The following NAV3 variants were observed in gnomAD, a reference collection of about 807,000 sequenced individuals.
NAV3 encodes neuron navigator 3.
Under a neutral mutation model 244.7 loss-of-function variants are expected in NAV3, and 87 were observed. The ratio of observed to expected loss-of-function variants is 0.36; its 90% confidence interval spans 0.30 to 0.42. The LOEUF (loss-of-function observed/expected upper bound fraction) is 0.42. Ranked by LOEUF, NAV3 falls within the 20% of genes least tolerant of loss-of-function variation. The pLI is 1.00. For synonymous variants in NAV3, 1,126 were observed against 1,042.2 expected (o/e 1.08, Z -1.55); for missense variants, 2,663 against 2,893.3 (o/e 0.92, Z 1.83).
At chr12:77,815,310 A>G (rs1872485947) in intron 2 of NAV3, among the ~76,000 whole-genome samples, 1 of 152,188 alleles carries the variant, frequency 6.6e-6, no homozygotes, top group Non-Finnish European at 1.5e-5. Context: ...TCAGGAGGCT[A>G]CTGGAGTGAG....
intron 2 of NAV3, among the ~76,000 whole-genome samples, chr12:77,763,838 G>T (rs558007990): frequency 8.2e-4 from 125 of 152,110 alleles, no homozygotes; most frequent in Non-Finnish European, 1.4e-3. Flanking sequence ...TTAGGAATGG[G>T]TCCCACACAG....
At chr12:77,616,156 C>G (rs867008910) in intron 2 of NAV3, among the ~76,000 whole-genome samples, 1 of 152,014 alleles carries the variant, frequency 6.6e-6, no homozygotes, top group Admixed American at 6.6e-5. Context: ...TCCTGTAATC[C>G]CAGCACTTTG....
chr12:78,028,961 GTA>G (rs1878527772), intron 9 of NAV3, among the ~76,000 whole-genome samples: 1 of 152,080 alleles, frequency 6.6e-6, no homozygotes, highest in Non-Finnish European at 1.5e-5. Context: ...GTGAACAGAG[GTA>G]TATGTGTGGA....
At chr12:78,184,568 T>G (rs1958634320) in intron 30 of NAV3, among the ~76,000 whole-genome samples, 1 of 151,888 alleles carries the variant, frequency 6.6e-6, no homozygotes, top group Non-Finnish European at 1.5e-5. Flanking sequence ...TTAATTGTTA[T>G]GATCTTAGAG....
chr12:77,720,729 A>T (rs1443354591), intron 2 of NAV3, among the ~76,000 whole-genome samples: 1 of 152,146 alleles, frequency 6.6e-6, no homozygotes, highest in East Asian at 1.9e-4. Context: ...AGGGAGTACA[A>T]CACGTTTTTC....
intron 5 of NAV3, among the ~76,000 whole-genome samples, chr12:77,980,303 T>C (rs1307766271): frequency 6.6e-6 from 1 of 152,176 alleles, no homozygotes; most frequent in Non-Finnish European, 1.5e-5. Context: ...GGTTTGATTA[T>C]GATTGTATTG....
chr12:77,810,232 T>C (rs927170404), intron 2 of NAV3, among the ~76,000 whole-genome samples: 1 of 152,164 alleles, frequency 6.6e-6, no homozygotes, highest in African/African-American at 2.4e-5. Context: ...AGTGCAGTGG[T>C]GCCATCTCCA....
chr12:78,082,806 C>A (rs1178496470), intron 12 of NAV3, among the ~76,000 whole-genome samples: 1 of 152,030 alleles, frequency 6.6e-6, no homozygotes, highest in African/African-American at 2.4e-5. Flanking sequence ...GGCTGAATTG[C>A]CTCTATTAGT....
At chr12:78,040,554 A>G (rs564188923) in intron 9 of NAV3, among the ~76,000 whole-genome samples, 48 of 152,332 alleles carry the variant, frequency 3.2e-4, no homozygotes, top group African/African-American at 1.1e-3. Flanking sequence ...ATATGAAAAG[A>G]TGGAACATAA....
chr12:77,893,079 T>C (rs923716345), intron 1 of NAV3, among the ~76,000 whole-genome samples: 4 of 152,138 alleles, frequency 2.6e-5, no homozygotes, highest in African/African-American at 9.7e-5. Flanking sequence ...CTGAATTAGT[T>C]ATAAGAATTT....
intron 2 of NAV3, among the ~76,000 whole-genome samples, chr12:77,705,264 C>CA (rs949088166): frequency 2.1e-5 from 3 of 145,148 alleles, no homozygotes; most frequent in African/African-American, 8.2e-5. Flanking sequence ...ACTAAAAATA[C>CA]AAAAAATCAG....
At chr12:77,719,934 G>A (rs551731601) in intron 2 of NAV3, among the ~76,000 whole-genome samples, 1 of 152,220 alleles carries the variant, frequency 6.6e-6, no homozygotes, top group African/African-American at 2.4e-5. Flanking sequence ...TTTCTTTGCT[G>A]AGATTTTTTA....
rs2136597371 is a variant in NAV3, at chr12:78,007,322, G to A, written c.1784G>A (p.Gly595Asp). The A allele has an allele frequency of 6.2e-7, 1 of 1,614,192 alleles. No homozygotes were observed. ...GAAGCTGGCCAAGCTTCTCCTTCTGGTTCCTGTACCATGACAGTGGCACAA... is the reference window on the plus strand; with the variant it reads ...GAAGCTGGCCAAGCTTCTCCTTCTGATTCCTGTACCATGACAGTGGCACAA... ...GREAGQASPS[G>D]SCTMTVAQSS... The change falls in exon 8 of 40, where the codon GGT becomes GAT. Residue 595 changes from glycine to aspartate, a missense_variant. Physicochemically the swap from Gly to Asp is moderately conservative, Grantham distance 94. Transcript: ENST00000397909.
intron 1 of NAV3, among the ~76,000 whole-genome samples, chr12:77,874,399 T>G (rs1287956187): frequency 6.6e-6 from 1 of 151,698 alleles, no homozygotes; most frequent in Non-Finnish European, 1.5e-5. Flanking sequence ...TTTTTAAATT[T>G]TTTATAGAGA....
At chr12:78,080,879 G>A (rs1233894621) in intron 12 of NAV3, among the ~76,000 whole-genome samples, 1 of 152,194 alleles carries the variant, frequency 6.6e-6, no homozygotes, top group Non-Finnish European at 1.5e-5. Flanking sequence ...CTTGTCTTAT[G>A]ACTTTATTTA....
At chr12:77,734,018 G>C (rs540104855) in intron 2 of NAV3, among the ~76,000 whole-genome samples, 1 of 151,750 alleles carries the variant, frequency 6.6e-6, no homozygotes, top group South Asian at 2.1e-4. Flanking sequence ...CAGGATCAGA[G>C]AGACTTAAGG....
At chr12:77,946,204 T>C (rs1350926424) in intron 3 of NAV3, among the ~76,000 whole-genome samples, 1 of 148,466 alleles carries the variant, frequency 6.7e-6, no homozygotes, top group Non-Finnish European at 1.5e-5. Flanking sequence ...AATATTGCTA[T>C]ATACATACAC....
At chr12:77,732,765 C>T (rs537240603) in intron 2 of NAV3, among the ~76,000 whole-genome samples, 15 of 152,130 alleles carry the variant, frequency 9.9e-5, no homozygotes, top group Non-Finnish European at 1.8e-4. Flanking sequence ...GACTACTAAG[C>T]CTATGTAGAT....
intron 2 of NAV3, among the ~76,000 whole-genome samples, chr12:77,737,156 A>G (rs1359462774): frequency 6.7e-6 from 1 of 150,266 alleles, no homozygotes; most frequent in Non-Finnish European, 1.5e-5. Context: ...ATTAAAGTTG[A>G]TGTTTCTGTT....
Sources: allele counts gnomAD v4.1 joint callset (sites outside exome capture counted in the v4.1 genomes callset), GRCh38; gene constraint gnomAD v4.1.1; transcripts MANE v1.5; gene names NCBI Gene and HGNC (gene_info 2026-07-23, HGNC 2026-07-21).